The following AFF3 variants were observed in gnomAD, a reference collection of about 807,000 sequenced individuals.
AFF3 encodes AF4/FMR2 family member 3.
In AFF3, 32 loss-of-function variants were observed where a neutral mutation model predicts 129.7. The ratio of observed to expected loss-of-function variants is 0.25; its 90% CI spans 0.19 to 0.33. AFF3 has a LOEUF of 0.33. AFF3 is among the 10% of genes least tolerant of loss of function. The pLI is 1.00. For missense variants in AFF3, 1,373 were observed against 1,592.0 expected (o/e 0.86, Z 2.34); for synonymous variants, 644 against 635.4 (o/e 1.01, Z -0.20).
At chr2:99,955,393 T>TA (rs923199348) in intron 7 of AFF3, among the ~76,000 whole-genome samples, 3 of 152,204 alleles carry the variant, frequency 2.0e-5, no homozygotes, top group African/African-American at 7.2e-5. Flanking sequence ...GACGCTTTAC[T>TA]ACTGTGAACT....
At chr2:99,610,035 C>T (rs552814148) in intron 13 of AFF3, among the ~76,000 whole-genome samples, 29 of 152,344 alleles carry the variant, frequency 1.9e-4, no homozygotes, top group Admixed American at 7.8e-4. Context: ...TTCTGGACAA[C>T]GAGTTCCATC....
At chr2:99,733,526 C>G (rs564098463) in intron 10 of AFF3, among the ~76,000 whole-genome samples, 1 of 151,956 alleles carries the variant, frequency 6.6e-6, no homozygotes, top group South Asian at 2.1e-4. Flanking sequence ...TTATTTGACA[C>G]TTTTTGTGAT....
intron 2 of AFF3, chr2:100,106,633 A>C: frequency 1.0e-6 from 1 of 987,454 alleles, no homozygotes; most frequent in Non-Finnish European, 1.2e-6. Flanking sequence ...CTGAACAAGA[A>C]ATGTGTCCTG....
intron 7 of AFF3, among the ~76,000 whole-genome samples, chr2:99,856,818 T>C (rs1016924972): frequency 6.6e-6 from 1 of 152,138 alleles, no homozygotes; most frequent in African/African-American, 2.4e-5. Flanking sequence ...TATAAGTATG[T>C]TAATGTTATT....
chr2:99,767,138 T>G (rs1683084264), intron 8 of AFF3, among the ~76,000 whole-genome samples: 1 of 152,138 alleles, frequency 6.6e-6, no homozygotes, highest in African/African-American at 2.4e-5. Flanking sequence ...CAAACACACA[T>G]TTAGACACTC....
intron 8 of AFF3, among the ~76,000 whole-genome samples, chr2:99,796,885 T>C (rs1402898414): frequency 1.3e-5 from 2 of 152,174 alleles, no homozygotes; most frequent in East Asian, 3.8e-4. Context: ...CTCAAAAGAA[T>C]CTTGCCTCAG....
intron 14 of AFF3, among the ~76,000 whole-genome samples, chr2:99,597,249 G>A (rs919946634): frequency 2.0e-5 from 3 of 152,276 alleles, no homozygotes; most frequent in Middle Eastern, 3.4e-3. Flanking sequence ...AAGGGGGACC[G>A]CATTCCTTTG....
chr2:99,737,617 TATA>T (rs1475186344), intron 10 of AFF3, among the ~76,000 whole-genome samples: 1 of 152,170 alleles, frequency 6.6e-6, no homozygotes, highest in East Asian at 1.9e-4. Flanking sequence ...GCACTTTAGC[TATA>T]ATGTGTGTAG....
At chr2:100,049,365 T>C (rs2105123337) in intron 4 of AFF3, among the ~76,000 whole-genome samples, 1 of 152,326 alleles carries the variant, frequency 6.6e-6, no homozygotes, top group East Asian at 1.9e-4. Flanking sequence ...CTTTTCAAGA[T>C]GCTACATGTC....
At chr2:99,919,190 C>T (rs1213310627) in intron 7 of AFF3, among the ~76,000 whole-genome samples, 3 of 152,126 alleles carry the variant, frequency 2.0e-5, no homozygotes, top group Admixed American at 2.0e-4. Flanking sequence ...CCTAATTCTT[C>T]TTTTATGGAT....
chr2:99,645,227 G>A (rs377569204), intron 13 of AFF3, among the ~76,000 whole-genome samples: 163 of 152,208 alleles, frequency 1.1e-3, no homozygotes, highest in African/African-American at 3.9e-3. Context: ...GGCAGGGCAC[G>A]GGGAGAGCTG....
In AFF3 at chr2:99,962,147, C is replaced by T. The variant is rs532621918; in HGVS notation, c.873+44485G>A. On this transcript the variant is annotated intron_variant, in intron 7 of 24. Transcript: ENST00000672756. ...TTCTTATAGGCTACATACTCCACTG[C>T]TCCACATAATGCAGTAGGGAACCTG... is the stretch of plus-strand genomic sequence containing the variant. Among the ~76,000 whole-genome samples, 5 of 152,282 alleles carry T rather than the reference C, an allele frequency of 3.3e-5. No individual in the cohort carries two copies. The South Asian group carries it at 6.2e-4, about 19-fold the overall frequency.
chr2:99,915,937 G>A (rs1241359395), intron 7 of AFF3, among the ~76,000 whole-genome samples: 1 of 152,164 alleles, frequency 6.6e-6, no homozygotes, highest in African/African-American at 2.4e-5. Flanking sequence ...TTAAACTGAA[G>A]AAGAGTCTGA....
chr2:100,058,484 T>C (rs944168328), intron 4 of AFF3, among the ~76,000 whole-genome samples: 1 of 152,186 alleles, frequency 6.6e-6, no homozygotes, highest in Non-Finnish European at 1.5e-5. Flanking sequence ...GACCTTTAAT[T>C]AGCAATTTTG....
chr2:100,022,618 G>C (rs1683688012), intron 4 of AFF3, among the ~76,000 whole-genome samples: 1 of 152,024 alleles, frequency 6.6e-6, no homozygotes, highest in African/African-American at 2.4e-5. Context: ...TGCCATGTTA[G>C]CCAGGCTGGT....
intron 8 of AFF3, among the ~76,000 whole-genome samples, chr2:99,789,353 C>T (rs560942260): frequency 2.2e-4 from 29 of 133,514 alleles, no homozygotes; most frequent in Middle Eastern, 5.1e-3. Flanking sequence ...GAGGCTGGGG[C>T]GGGAGGATTG....
intron 4 of AFF3, among the ~76,000 whole-genome samples, chr2:100,011,031 T>C (rs1189218339): frequency 6.6e-6 from 1 of 152,078 alleles, no homozygotes; most frequent in Non-Finnish European, 1.5e-5. Context: ...TCCCAGCACT[T>C]TGGGAGGCCG....
chr2:99,968,216 C>T (rs765523547), intron 7 of AFF3, among the ~76,000 whole-genome samples: 11 of 152,222 alleles, frequency 7.2e-5, no homozygotes, highest in Non-Finnish European at 1.5e-4. Context: ...TGGTGCCATC[C>T]TGTTCTTCTG....
chr2:99,901,652 ATCT>A (rs1179895176), intron 7 of AFF3, among the ~76,000 whole-genome samples: 2 of 152,126 alleles, frequency 1.3e-5, no homozygotes, highest in African/African-American at 2.4e-5. Context: ...CTGAAGAGCC[ATCT>A]TCTCTGGAGA....
Sources: allele counts gnomAD v4.1 joint callset (sites outside exome capture counted in the v4.1 genomes callset), GRCh38; gene constraint gnomAD v4.1.1; transcripts MANE v1.5; gene names NCBI Gene and HGNC (gene_info 2026-07-23, HGNC 2026-07-21).